FCRL5: variants seen among roughly 807,000 people sequenced by gnomAD.
The protein encoded by FCRL5 is Fc receptor like 5.
Under a neutral mutation model 92.1 loss-of-function variants are expected in FCRL5, and 79 were observed. The ratio of observed to expected loss-of-function variants is 0.86; its 90% CI spans 0.72 to 1.03. FCRL5 has a LOEUF of 1.03. Among genes scored for constraint, FCRL5 ranks in the 50% least tolerant of loss-of-function variants. The pLI, the probability that FCRL5 is intolerant of heterozygous loss-of-function variation, is 0.00. For missense variants in FCRL5, 1,160 were observed against 1,181.1 expected (o/e 0.98, Z 0.26); for synonymous variants, 466 against 469.3 (o/e 0.99, Z 0.09).
At chr1:157,535,641 T>C (rs907399343) in intron 7 of FCRL5, among the ~76,000 whole-genome samples, 5 of 152,316 alleles carry the variant, frequency 3.3e-5, no homozygotes, top group South Asian at 2.1e-4. Flanking sequence ...TAATGATAAA[T>C]ATAAAAAAGA....
chr1:157,529,319 T>C (rs906701480), intron 8 of FCRL5, among the ~76,000 whole-genome samples: 23 of 152,092 alleles, frequency 1.5e-4, no homozygotes, highest in Non-Finnish European at 7.4e-5. Flanking sequence ...ATGAATGTGG[T>C]GTAAAGGGAA....
chr1:157,544,778 C>T (rs1430860730), intron 4 of FCRL5, 53 bp downstream of exon 4: 16 of 1,608,026 alleles, frequency 1.0e-5, no homozygotes, highest in Non-Finnish European at 1.4e-5. Flanking sequence ...TCTCTATGAC[C>T]CCAAGGAATC....
chr1:157,545,082 G>T lies in FCRL5; in HGVS notation c.308C>A (p.Ala103Asp). The T allele has an allele frequency of 6.2e-7, 1 of 1,611,956 alleles. No individual in the cohort carries two copies. Among genetic ancestry groups the T allele is most frequent in the Non-Finnish European group, 8.5e-7 (1 of 1,179,942 alleles). ...AAGTGGAGCTTGCAGGATCAGCGAA[G>T]CTATGAGAAACACAATAGAGTTATT... Reference protein sequence around the residue: ...SSPVHLDFSSASLILQAPLSV... With the variant: ...SSPVHLDFSSDSLILQAPLSV... Residue 103 changes from alanine (A) to aspartate (D), a missense_variant and splice_region_variant, in exon 4 of 17, where the codon GCT becomes GAT. Transcript: ENST00000361835.
In FCRL5 at chr1:157,521,094, T is replaced by G; in HGVS notation, c.2438A>C (p.His813Pro). 2 of 1,613,974 alleles carry G rather than the reference T, an allele frequency of 1.2e-6. No homozygotes were observed. The highest frequency in any genetic ancestry group is 1.7e-6 in the Non-Finnish European group (2 of 1,179,976). The change falls in exon 11 of 17, where the codon CAC becomes CCC. Residue 813 changes from histidine (H) to proline (P), a missense_variant. Transcript: ENST00000361835. ...GGCCTCACAGGAGTAGTTTCCAGAG[T>G]GCTCTGCAGTCAGAGAGAGGTTTAA... ...ASLNLSLTAE[H>P]SGNYSCEADN...
intron 8 of FCRL5, among the ~76,000 whole-genome samples, chr1:157,529,279 T>C (rs1650578431): frequency 6.6e-6 from 1 of 152,114 alleles, no homozygotes; most frequent in South Asian, 2.1e-4. Context: ...ATGGTCATAA[T>C]TAAAAAAACA....
chr1:157,537,450 C>A (rs1305082207), intron 7 of FCRL5, among the ~76,000 whole-genome samples: 4 of 152,190 alleles, frequency 2.6e-5, no homozygotes, highest in Non-Finnish European at 2.9e-5. Context: ...AAAACCCTGT[C>A]TCCTGATAAG....
chr1:157,547,004 C>G lies in FCRL5; in HGVS notation c.246G>C (p.Glu82Asp), dbSNP rs777183811. The part of the protein sequence containing the change: ...DNILEVQESG[E>D]YRCQAQGSPL... ...GGGAGCCCTGGGCCTGGCATCTGTA[C>G]TCTCCAGATTCCTGAACCTCAAGGA... Residue 82 changes from glutamate (E) to aspartate (D), a missense_variant, in exon 3 of 17, where the codon GAG becomes GAC. Glu to Asp is a conservative substitution (Grantham distance 45). Coordinates refer to ENST00000361835, the MANE Select transcript of FCRL5 (RefSeq NM_031281.3). The G allele has an allele frequency of 1.2e-6, 2 of 1,614,126 alleles. No homozygotes were observed. The highest frequency in any genetic ancestry group is 1.1e-5 in the South Asian group (1 of 91,084).
intron 7 of FCRL5, among the ~76,000 whole-genome samples, chr1:157,535,966 G>C (rs1474764903): frequency 1.0e-4 from 1 of 9,638 alleles, no homozygotes; most frequent in Non-Finnish European, 5.2e-4. Flanking sequence ...TTTTGAGATG[G>C]AGTCTCACTG....
At chr1:157,552,210 G>T in intron 1 of FCRL5, 122 bp downstream of exon 1, 1 of 933,930 alleles carries the variant, frequency 1.1e-6, no homozygotes, top group Non-Finnish European at 1.7e-6. Context: ...CAAAAATACA[G>T]TCTCCTAATG....
chr1:157,542,020 T>A (rs1558139041), intron 6 of FCRL5: 4 of 154,804 alleles, frequency 2.6e-5, no homozygotes, highest in Non-Finnish European at 1.4e-5. Flanking sequence ...ATCTCACACA[T>A]CCATGTGGGA....
In FCRL5 at chr1:157,547,072, G is replaced by A. The variant is rs763929627; in HGVS notation, c.178C>T (p.Arg60Trp). 6.2e-6 allele frequency: 10 copies of A among 1,614,032 alleles called. No homozygotes were observed. Among genetic ancestry groups the A allele is most frequent in the African/African-American group, 4.0e-5 (3 of 74,926 alleles). The change falls in exon 3 of 17, where the codon CGG becomes TGG. Residue 60 changes from arginine to tryptophan, a missense_variant. Transcript: ENST00000361835. ...YSPQKTKWYH[R>W]YLGKEILRET... ...CTTAGTATTTCTTTCCCAAGGTACC[G>A]ATGGTACCATTTTGTTTTCTGTGGT...
chr1:157,522,816 G>A (rs1175395274), intron 10 of FCRL5: 1 of 152,196 alleles, frequency 6.6e-6, no homozygotes, highest in Non-Finnish European at 1.5e-5. Context: ...AGAAAATCAT[G>A]AAATCATAAG....
At chr1:157,536,644 T>A (rs1463361171) in intron 7 of FCRL5, among the ~76,000 whole-genome samples, 1 of 152,226 alleles carries the variant, frequency 6.6e-6, no homozygotes, top group Non-Finnish European at 1.5e-5. Context: ...CCCAACCTTA[T>A]CTTGTGGTTC....
chr1:157,549,718 A>C (rs1466026696), intron 1 of FCRL5, 138 bp from the exon 2 acceptor site: 1 of 606,432 alleles, frequency 1.6e-6, no homozygotes, highest in African/African-American at 1.9e-5. Context: ...ATTATTCATC[A>C]AATGTATATA....
In FCRL5 at chr1:157,544,408, T is replaced by C. The variant is rs111583415; in HGVS notation, c.698A>G (p.Gln233Arg). Reference protein sequence around the residue: ...PLRFRFFRDDQTLGLGWSLSP... With the variant: ...PLRFRFFRDDRTLGLGWSLSP... ...GAGACTCCAGCCTAATCCCAGGGTC[T>C]GGTCATCTCTGAAGAAGCGGAACCG... is the stretch of plus-strand genomic sequence containing the variant. The change falls in exon 5 of 17, where the codon CAG becomes CGG. Residue 233 changes from glutamine to arginine, a missense_variant. Coordinates refer to ENST00000361835, the MANE Select transcript of FCRL5 (RefSeq NM_031281.3). 1 of 1,614,246 alleles carries C rather than the reference T, an allele frequency of 6.2e-7. No homozygotes were observed. Among genetic ancestry groups the C allele is most frequent in the South Asian group, 1.1e-5 (1 of 91,090 alleles).
intron 14 of FCRL5, 36 bp from the exon 15 acceptor site, chr1:157,518,533 G>T: frequency 1.3e-6 from 2 of 1,577,706 alleles, no homozygotes; most frequent in Non-Finnish European, 1.7e-6. Flanking sequence ...GGATGCTGAG[G>T]TTCTTGCCTC....
intron 2 of FCRL5, among the ~76,000 whole-genome samples, chr1:157,548,526 A>C (rs758428747): frequency 6.6e-6 from 1 of 152,250 alleles, no homozygotes; most frequent in Admixed American, 6.5e-5. Context: ...AAGTTTTGCA[A>C]TCTACTCATT....
chr1:157,540,036 C>A (rs544260841), intron 6 of FCRL5, among the ~76,000 whole-genome samples: 1 of 152,242 alleles, frequency 6.6e-6, no homozygotes, highest in Admixed American at 6.5e-5. Context: ...ATATACTATC[C>A]AAATTGATTG....
At chr1:157,516,406 T>C (rs988996195) in intron 15 of FCRL5, among the ~76,000 whole-genome samples, 3 of 152,262 alleles carry the variant, frequency 2.0e-5, no homozygotes, top group Non-Finnish European at 4.4e-5. Flanking sequence ...TGTGAGCACA[T>C]GTATCTGTGT....
Sources: allele counts gnomAD v4.1 joint callset (sites outside exome capture counted in the v4.1 genomes callset), GRCh38; gene constraint gnomAD v4.1.1; transcripts MANE v1.5; gene names NCBI Gene and HGNC (gene_info 2026-07-23, HGNC 2026-07-21).